The following CADPS variants were observed in gnomAD, a reference collection of about 807,000 sequenced individuals.
CADPS encodes the protein calcium dependent secretion activator.
A neutral mutation model predicts 167.3 loss-of-function variants in CADPS; 57 were observed. The observed-to-expected ratio is 0.34, with a 90% CI of 0.28 to 0.42. CADPS has a LOEUF of 0.42. CADPS is among the 20% of genes least tolerant of loss of function. The pLI, the probability that CADPS is intolerant of heterozygous loss-of-function variation, is 1.00. For synonymous variants in CADPS, 676 were observed against 635.3 expected (o/e 1.06, Z -0.96); for missense variants, 1,414 against 1,738.1 (o/e 0.81, Z 3.32).
intron 3 of CADPS, among the ~76,000 whole-genome samples, chr3:62,665,740 T>C (rs1043787115): frequency 3.3e-5 from 5 of 152,112 alleles, no homozygotes; most frequent in African/African-American, 1.2e-4. Flanking sequence ...ATAATAGCAA[T>C]GGGTGTGTCC....
intron 3 of CADPS, among the ~76,000 whole-genome samples, chr3:62,727,634 G>T (rs975171896): frequency 2.0e-5 from 3 of 151,844 alleles, no homozygotes; most frequent in African/African-American, 7.3e-5. Flanking sequence ...TCATTTAGAG[G>T]AATTATTTTG....
intron 24 of CADPS, chr3:62,466,635 G>A (rs2059966007): frequency 1.7e-6 from 1 of 577,024 alleles, no homozygotes; most frequent in Non-Finnish European, 3.1e-6. Context: ...CTTACTCAAG[G>A]CTTTCGATGC....
chr3:62,610,931 TAGA>T (rs2061422485), intron 6 of CADPS, among the ~76,000 whole-genome samples: 1 of 152,022 alleles, frequency 6.6e-6, no homozygotes, highest in Non-Finnish European at 1.5e-5. Flanking sequence ...TTGCAGTGTC[TAGA>T]GACTCATTTT....
chr3:62,715,162 G>T (rs576363388), intron 3 of CADPS, among the ~76,000 whole-genome samples: 1 of 152,234 alleles, frequency 6.6e-6, no homozygotes, highest in African/African-American at 2.4e-5. Flanking sequence ...AATGGGGGGT[G>T]CAAAGATGAA....
intron 1 of CADPS, among the ~76,000 whole-genome samples, chr3:62,795,281 T>C (rs943235235): frequency 6.6e-6 from 1 of 152,080 alleles, no homozygotes; most frequent in African/African-American, 2.4e-5. Context: ...CTTCCTAATC[T>C]AAATCTCTTC....
At chr3:62,554,877 C>T (rs565396337) in intron 10 of CADPS, among the ~76,000 whole-genome samples, 1 of 152,118 alleles carries the variant, frequency 6.6e-6, no homozygotes, top group Non-Finnish European at 1.5e-5. Context: ...TTCAGCCTCC[C>T]GAGTAGCTCG....
chr3:62,802,054 G>T (rs1576602959), intron 1 of CADPS, among the ~76,000 whole-genome samples: 1 of 151,960 alleles, frequency 6.6e-6, no homozygotes, highest in African/African-American at 2.4e-5. Flanking sequence ...TGGCAGCTTT[G>T]CCTCCCAAAG....
chr3:62,493,334 C>A (rs2064056311), intron 19 of CADPS, among the ~76,000 whole-genome samples: 1 of 151,914 alleles, frequency 6.6e-6, no homozygotes, highest in African/African-American at 2.4e-5. Context: ...GTCAACAGGC[C>A]CTGTTTTGCC....
At chr3:62,405,388 G>C (rs1708063531) in intron 28 of CADPS, among the ~76,000 whole-genome samples, 1 of 150,556 alleles carries the variant, frequency 6.6e-6, no homozygotes, top group Admixed American at 6.6e-5. Flanking sequence ...TTATATCACT[G>C]CCAGCAAGCC....
chr3:62,566,471 G>T (rs551962982), intron 9 of CADPS, among the ~76,000 whole-genome samples: 4 of 152,190 alleles, frequency 2.6e-5, no homozygotes, highest in African/African-American at 9.7e-5. Context: ...GACCAGCACT[G>T]GTGGCCTTGA....
At chr3:62,686,084 T>C (rs1388352733) in intron 3 of CADPS, among the ~76,000 whole-genome samples, 1 of 152,122 alleles carries the variant, frequency 6.6e-6, no homozygotes, top group Non-Finnish European at 1.5e-5. Flanking sequence ...AAAACATCAC[T>C]ATGTAACCCA....
In CADPS at chr3:62,744,634, A is replaced by C. The variant is rs77830228; in HGVS notation, c.888+8807T>G. ...CAAAAGGTAGAAAAAAGCAGAAAAT[A>C]TTATTTTTGTATGTATCTTTCTGAA... On this transcript the variant is annotated intron_variant, in intron 3 of 29. Transcript: ENST00000383710. 5.1e-4 allele frequency among the ~76,000 whole-genome samples: 77 copies of C among 152,350 alleles called. No homozygotes were observed. The East Asian group carries it at 0.014, about 29-fold the overall frequency.
At chr3:62,680,684 A>C (rs1263901589) in intron 3 of CADPS, among the ~76,000 whole-genome samples, 1 of 152,042 alleles carries the variant, frequency 6.6e-6, no homozygotes, top group Non-Finnish European at 1.5e-5. Flanking sequence ...TAAAGCACAC[A>C]TCTGGTCCTG....
chr3:62,422,457 C>T lies in CADPS; in HGVS notation c.3777+15647G>A, dbSNP rs181794617. ...AAAGTTTCAAGAGAAAAAACAACTC[C>T]CTTTTTTTCTTTTCTCCTTTCTTCC... On this transcript the variant is annotated intron_variant, in intron 28 of 29. Transcript: ENST00000383710. Among the ~76,000 whole-genome samples, 367 of 152,314 alleles carry T rather than the reference C, an allele frequency of 2.4e-3. 3 individuals carry two copies. Among genetic ancestry groups the T allele is most frequent in the African/African-American group, 8.4e-3 (349 of 41,568 alleles).
intron 1 of CADPS, among the ~76,000 whole-genome samples, chr3:62,770,806 G>T (rs1343650364): frequency 6.6e-6 from 1 of 152,110 alleles, no homozygotes; most frequent in Non-Finnish European, 1.5e-5. Context: ...CCAGACCCCA[G>T]AAGCTCCTGG....
intron 3 of CADPS, among the ~76,000 whole-genome samples, chr3:62,738,291 G>C (rs2079422898): frequency 6.6e-6 from 1 of 152,186 alleles, no homozygotes; most frequent in South Asian, 2.1e-4. Context: ...AAGGATCAGA[G>C]AGAAAATATG....
intron 3 of CADPS, among the ~76,000 whole-genome samples, chr3:62,677,106 CT>C (rs2076453168): frequency 6.6e-6 from 1 of 152,130 alleles, no homozygotes; most frequent in African/African-American, 2.4e-5. Context: ...CTGCAAACCC[CT>C]CTAGAGTGAT....
At position 62,849,981 on chromosome 3, in the gene CADPS, C is replaced by G. The variant is rs2078221109; in HGVS notation, c.441+24608G>C. Among the ~76,000 whole-genome samples the G allele has an allele frequency of 3.3e-5, 4 of 121,414 alleles. No homozygotes were observed. The East Asian group carries it at 9.3e-4, about 28-fold the overall frequency. 79.7% of individuals were successfully genotyped at this position (121,414 alleles called of 152,430 possible). A position where few individuals can be genotyped will look rare whatever the true frequency, so the allele number is the denominator to read the frequency against. On this transcript the variant is annotated intron_variant, in intron 1 of 29. Coordinates refer to ENST00000383710, the MANE Select transcript of CADPS (RefSeq NM_003716.4). ...CCTGTTATTGGTCTATTCAGAGATTCAACTTCTTCCTGGTTTAGTCTTGGG... is the reference window on the plus strand; with the variant it reads ...CCTGTTATTGGTCTATTCAGAGATTGAACTTCTTCCTGGTTTAGTCTTGGG...
At chr3:62,675,752 G>C (rs1164562515) in intron 3 of CADPS, among the ~76,000 whole-genome samples, 1 of 152,104 alleles carries the variant, frequency 6.6e-6, no homozygotes, top group African/African-American at 2.4e-5. Context: ...GAAGACAGAT[G>C]ACTTCTTATC....
Sources: gnomAD v4.1 joint callset for allele counts (sites outside exome capture counted in the v4.1 genomes callset) on GRCh38, gnomAD v4.1.1 for gene constraint, MANE v1.5 for transcripts, NCBI Gene and HGNC (gene_info 2026-07-23, HGNC 2026-07-21) for gene names.